Variants in BMP2K observed in about 807,000 individuals in gnomAD.
BMP2K encodes BMP2 inducible kinase, also known as BMP-2-inducible protein kinase.
Under a neutral mutation model 116.0 loss-of-function variants are expected in BMP2K, and 74 were observed. That is an observed-to-expected ratio of 0.64 (90% CI 0.53 to 0.77). BMP2K has a LOEUF of 0.77. BMP2K is among the 30% of genes least tolerant of loss of function. The pLI, the probability that BMP2K is intolerant of heterozygous loss-of-function variation, is 0.00. For synonymous variants in BMP2K, 486 were observed against 502.5 expected (o/e 0.97, Z 0.44); for missense variants, 1,365 against 1,403.6 (o/e 0.97, Z 0.44).
intron 1 of BMP2K, among the ~76,000 whole-genome samples, chr4:78,780,175 G>A (rs571381734): frequency 3.3e-5 from 5 of 152,174 alleles, no homozygotes; most frequent in African/African-American, 4.8e-5. Flanking sequence ...TTTTTGAGTA[G>A]GGGACATTGT....
intron 13 of BMP2K, 24 bp from the exon 14 acceptor site, chr4:78,878,703 CTTCTTTT>C: frequency 6.6e-7 from 1 of 1,514,872 alleles, no homozygotes; most frequent in South Asian, 1.2e-5. Context: ...TTCTTTCCAT[CTTCTTTT>C]TTCTTACTCA....
In BMP2K at chr4:78,871,953, C is replaced by T. The variant is rs1264583404; in HGVS notation, c.1608+5C>T. 4 of 1,577,032 alleles carry T rather than the reference C, an allele frequency of 2.5e-6. No individual in the cohort carries two copies. The highest frequency in any genetic ancestry group is 3.5e-6 in the Non-Finnish European group (4 of 1,152,782). On this transcript the variant is annotated splice_donor_5th_base_variant and intron_variant, in intron 12 of 15. Coordinates refer to ENST00000502613, the MANE Select transcript of BMP2K (RefSeq NM_198892.2). ...GCATCACAGTATCCTACAATGGTAA[C>T]TTAAATAATTTCTAGAGATTTCTCT...
At chr4:78,808,907 T>C (rs952727388) in intron 1 of BMP2K, among the ~76,000 whole-genome samples, 2 of 152,228 alleles carry the variant, frequency 1.3e-5, no homozygotes, top group Non-Finnish European at 2.9e-5. Context: ...CTGTGTGGAC[T>C]TGATAAATGT....
intron 1 of BMP2K, among the ~76,000 whole-genome samples, chr4:78,809,265 A>G (rs1728966196): frequency 6.6e-6 from 1 of 152,050 alleles, no homozygotes; most frequent in Admixed American, 6.6e-5. Flanking sequence ...TGATATTAGT[A>G]TAGCTACTCT....
rs768749815 is a variant in BMP2K at position 78,910,799 on chromosome 4, C to G, written c.2252C>G (p.Pro751Arg). The G allele has an allele frequency of 4.3e-6, 7 of 1,613,724 alleles. No homozygotes were observed. Among genetic ancestry groups the G allele is most frequent in the Middle Eastern group, 1.6e-4 (1 of 6,082 alleles). Reference protein sequence around the residue: ...ESDFESDPPSPKSSEEEEQDD... With the variant: ...ESDFESDPPSRKSSEEEEQDD... ...GATTTTGAATCAGATCCCCCTTCTCCTAAGAGCAGTGAAGAGGAAGAGCAA... is the reference window on the plus strand; with the variant it reads ...GATTTTGAATCAGATCCCCCTTCTCGTAAGAGCAGTGAAGAGGAAGAGCAA... Residue 751 changes from proline (P) to arginine (R), a missense_variant, in exon 16 of 16, where the codon CCT becomes CGT. By Grantham distance (103) the Pro-to-Arg change is moderately radical. Transcript: ENST00000502613.
chr4:78,912,720 C>T lies in BMP2K; in HGVS notation c.*687C>T, dbSNP rs1232744512. 1 of 151,814 alleles carries T rather than the reference C, an allele frequency of 6.6e-6. No individual in the cohort carries two copies. The highest frequency in any genetic ancestry group is 1.9e-4 in the East Asian group (1 of 5,178). 9.4% of individuals were successfully genotyped at this position (151,814 alleles called of 1,614,324 possible). On this transcript the variant is annotated 3_prime_UTR_variant, in exon 16 of 16. Coordinates refer to ENST00000502613, the MANE Select transcript of BMP2K (RefSeq NM_198892.2). ...ATTCCACAACTTACATATTCCAAAA[C>T]AATGTTATACATGATAAATATATAT...
At chr4:78,852,051 C>G (rs1484129949) in intron 7 of BMP2K, among the ~76,000 whole-genome samples, 1 of 151,352 alleles carries the variant, frequency 6.6e-6, no homozygotes, top group African/African-American at 2.4e-5. Context: ...CAAAAATGAC[C>G]AAAAGAAAAA....
rs371746995 is a variant in BMP2K, at chr4:78,883,468, A to G, written c.1952-3706A>G. Among the ~76,000 whole-genome samples, 41 of 152,338 alleles carry G rather than the reference A, an allele frequency of 2.7e-4. 1 individual carries two copies. In the East Asian group the frequency reaches 6.6e-3, roughly 24 times the overall value. On this transcript the variant is annotated intron_variant, in intron 14 of 15. Coordinates refer to ENST00000502613, the MANE Select transcript of BMP2K (RefSeq NM_198892.2). ...ATTCTGTGTTTTGTGGAACAATAAC[A>G]TTATTCATTTTACAGTGAATTTATT... is the stretch of plus-strand genomic sequence containing the variant.
chr4:78,870,875 C>T lies in BMP2K; in HGVS notation c.1324C>T (p.Gln442Ter), dbSNP rs1466181597. 1.2e-6 allele frequency: 2 copies of T among 1,613,914 alleles called. No individual in the cohort carries two copies. Among genetic ancestry groups the T allele is most frequent in the African/African-American group, 2.7e-5 (2 of 74,852 alleles). Residue 442 changes from glutamine (Q) to a stop codon, truncating the protein, a stop_gained, in exon 11 of 16, where the codon CAG becomes TAG. Coordinates refer to ENST00000502613, the MANE Select transcript of BMP2K (RefSeq NM_198892.2). LOFTEE classifies it high-confidence loss of function. ...GCAGCATAGAGTACTCCAGCAACTA[C>T]AGCAGGGAGATTGGAGATTACAGCA... is the stretch of plus-strand genomic sequence containing the variant. ...PQQHRVLQQL[Q>*]QGDWRLQQLH...
chr4:78,872,651 T>C lies in BMP2K; in HGVS notation c.1646T>C (p.Met549Thr), dbSNP rs1732425510. The change falls in exon 13 of 16, where the codon ATG becomes ACG. Residue 549 changes from methionine to threonine, a missense_variant. Physicochemically the swap from Met to Thr is moderately conservative, Grantham distance 81. Around this residue, in one of 3 missense-constraint regions of BMP2K, gnomAD observed 762 missense variants for 756.7 expected, o/e 1.01. Coordinates refer to ENST00000502613, the MANE Select transcript of BMP2K (RefSeq NM_198892.2). ...CAGCAGGCTTTCTTTCAACAGCAGATGCTAGCTCAACATCAGCCGTCTCAA... is the reference window on the plus strand; with the variant it reads ...CAGCAGGCTTTCTTTCAACAGCAGACGCTAGCTCAACATCAGCCGTCTCAA... The part of the protein sequence containing the change: ...QYQQAFFQQQ[M>T]LAQHQPSQQQ... 2.5e-6 allele frequency: 4 copies of C among 1,614,120 alleles called. No individual in the cohort carries two copies. The highest frequency in any genetic ancestry group is 3.4e-6 in the Non-Finnish European group (4 of 1,179,976).
chr4:78,887,452 T>G, intron 15 of BMP2K, 168 bp downstream of exon 15: 2 of 598,194 alleles, frequency 3.3e-6, no homozygotes, highest in East Asian at 5.8e-5. Context: ...TTGCATTGAG[T>G]TATTATTCAG....
At chr4:78,837,167 A>G (rs920181776) in intron 3 of BMP2K, among the ~76,000 whole-genome samples, 6 of 150,882 alleles carry the variant, frequency 4.0e-5, no homozygotes, top group South Asian at 2.1e-4. Context: ...TATTTCTATT[A>G]TATTATTTTT....
chr4:78,863,176 T>C (rs1731876660), intron 9 of BMP2K, among the ~76,000 whole-genome samples: 1 of 152,138 alleles, frequency 6.6e-6, no homozygotes, highest in South Asian at 2.1e-4. Flanking sequence ...ACATTATGTA[T>C]ATTAAAAAAT....
intron 15 of BMP2K, among the ~76,000 whole-genome samples, chr4:78,888,889 T>C (rs1733257677): frequency 6.6e-6 from 1 of 152,140 alleles, no homozygotes; most frequent in Admixed American, 6.6e-5. Flanking sequence ...CTATAAAAAT[T>C]CATATTCCTT....
intron 15 of BMP2K, chr4:78,906,062 T>C (rs374729901): frequency 6.1e-4 from 93 of 152,244 alleles, no homozygotes; most frequent in African/African-American, 2.2e-3. Flanking sequence ...TGTAGTTTCA[T>C]GATGAATAGA....
intron 1 of BMP2K, among the ~76,000 whole-genome samples, chr4:78,805,949 C>T (rs751237141): frequency 6.6e-5 from 10 of 151,896 alleles, no homozygotes; most frequent in Admixed American, 1.3e-4. Context: ...CTAGCCTGGG[C>T]GACAGAGTGA....
intron 1 of BMP2K, among the ~76,000 whole-genome samples, chr4:78,810,231 C>A (rs576975263): frequency 6.6e-6 from 1 of 152,178 alleles, no homozygotes; most frequent in African/African-American, 2.4e-5. Context: ...TATAGCTCCT[C>A]GTGAGCCTTC....
chr4:78,799,679 C>T (rs769152599), intron 1 of BMP2K, among the ~76,000 whole-genome samples: 9 of 152,208 alleles, frequency 5.9e-5, no homozygotes, highest in Non-Finnish European at 1.2e-4. Context: ...CTAGACTTAT[C>T]TCTGAGTATC....
At chr4:78,810,406 A>G (rs1455417920) in intron 1 of BMP2K, among the ~76,000 whole-genome samples, 1 of 152,122 alleles carries the variant, frequency 6.6e-6, no homozygotes, top group Non-Finnish European at 1.5e-5. Flanking sequence ...TCTCATTCCT[A>G]CTTCGACTTA....
Sources: allele counts gnomAD v4.1 joint callset (sites outside exome capture counted in the v4.1 genomes callset), GRCh38; gene constraint gnomAD v4.1.1; regional missense constraint gnomAD v4.1.1; transcripts MANE v1.5; gene names NCBI Gene and HGNC (gene_info 2026-07-23, HGNC 2026-07-21).